The following PTPRJ variants were observed in gnomAD, a reference collection of about 807,000 sequenced individuals.
PTPRJ encodes the protein protein tyrosine phosphatase receptor type J.
A neutral mutation model predicts 141.3 loss-of-function variants in PTPRJ; 129 were observed. The ratio of observed to expected loss-of-function variants is 0.91; its 90% CI spans 0.79 to 1.06. PTPRJ has a LOEUF of 1.06. Ranked by LOEUF, PTPRJ falls within the 50% of genes least tolerant of loss-of-function variation. PTPRJ has a pLI of 0.00. For synonymous variants in PTPRJ, 610 were observed against 640.5 expected (o/e 0.95, Z 0.72); for missense variants, 1,601 against 1,679.7 (o/e 0.95, Z 0.82).
intron 1 of PTPRJ, among the ~76,000 whole-genome samples, chr11:48,053,609 C>A (rs1313649593): frequency 6.9e-6 from 1 of 143,916 alleles, no homozygotes; most frequent in African/African-American, 2.6e-5. Flanking sequence ...GACAGTCTTG[C>A]TGTGTTGCCC....
At chr11:48,126,396 G>A (rs1856830838) in intron 6 of PTPRJ, among the ~76,000 whole-genome samples, 1 of 152,054 alleles carries the variant, frequency 6.6e-6, no homozygotes, top group South Asian at 2.1e-4. Flanking sequence ...TAAGGGGCGA[G>A]TGTGTGTGTA....
rs1386997253 is a variant in PTPRJ, at chr11:48,167,219, CTCAA to C, written c.3875_3878del (p.Asn1292SerfsTer15). On this transcript the variant is annotated frameshift_variant, in exon 25 of 25. Transcript: ENST00000418331. LOFTEE classifies it high-confidence loss of function. ...TTTCTATCAGGACCAGTATGTTTTC[CTCAA>C]TCAGTGTGTTTTGGATATTGTCAGA... The C allele has an allele frequency of 6.2e-7, 1 of 1,611,976 alleles. No individual in the cohort carries two copies. The highest frequency in any genetic ancestry group is 8.5e-7 in the Non-Finnish European group (1 of 1,178,396).
intron 1 of PTPRJ, among the ~76,000 whole-genome samples, chr11:48,101,569 C>T (rs890746058): frequency 6.6e-6 from 1 of 152,186 alleles, no homozygotes; most frequent in African/African-American, 2.4e-5. Context: ...GTTTGTGAAC[C>T]TGGAACTTGG....
At chr11:48,117,813 A>T (rs1265152760) in intron 3 of PTPRJ, among the ~76,000 whole-genome samples, 1 of 152,108 alleles carries the variant, frequency 6.6e-6, no homozygotes, top group Non-Finnish European at 1.5e-5. Context: ...AACAAAGAAC[A>T]TTGACAAAGC....
intron 1 of PTPRJ, among the ~76,000 whole-genome samples, chr11:48,059,119 T>TC (rs1445673331): frequency 7.1e-6 from 1 of 141,462 alleles, no homozygotes; most frequent in Non-Finnish European, 1.5e-5. Context: ...CCTTTTTTTT[T>TC]TTTTTTTTTT....
At chr11:48,115,379 G>A (rs1856539054) in intron 3 of PTPRJ, among the ~76,000 whole-genome samples, 2 of 152,176 alleles carry the variant, frequency 1.3e-5, no homozygotes, top group African/African-American at 4.8e-5. Context: ...TTACAGGCCA[G>A]GAGAGAGTGG....
chr11:48,134,091 G>C (rs1857034740), intron 8 of PTPRJ, among the ~76,000 whole-genome samples: 1 of 152,126 alleles, frequency 6.6e-6, no homozygotes, highest in African/African-American at 2.4e-5. Context: ...AAATGGTTAA[G>C]ATGATAAATA....
At chr11:48,166,069 T>A (rs1484662341) in intron 24 of PTPRJ, among the ~76,000 whole-genome samples, 1 of 151,820 alleles carries the variant, frequency 6.6e-6, no homozygotes, top group East Asian at 1.9e-4. Context: ...TTCACCATGT[T>A]GGCCAGGATG....
chr11:48,082,694 G>A (rs1023599086), intron 1 of PTPRJ, among the ~76,000 whole-genome samples: 2 of 151,090 alleles, frequency 1.3e-5, no homozygotes, highest in Non-Finnish European at 2.9e-5. Context: ...GGCTTCAGGT[G>A]TGTGCCACTG....
At chr11:48,145,169 G>A in intron 14 of PTPRJ, 45 bp downstream of exon 14, 4 of 1,611,052 alleles carry the variant, frequency 2.5e-6, no homozygotes, top group Non-Finnish European at 3.4e-6. Flanking sequence ...GTGGCATTTT[G>A]CTCCACGTGT....
At position 48,061,918 on chromosome 11, in the gene PTPRJ, T is replaced by C. The variant is rs891221522; in HGVS notation, c.97-48140T>C. Among the ~76,000 whole-genome samples the C allele has an allele frequency of 2.0e-5, 3 of 149,930 alleles. No individual in the cohort carries two copies. The East Asian group carries it at 5.8e-4, about 29-fold the overall frequency. On this transcript the variant is annotated intron_variant, in intron 1 of 24. Coordinates refer to ENST00000418331, the MANE Select transcript of PTPRJ (RefSeq NM_002843.4). Reference sequence around the variant, plus strand: ...ATGGCACCAACTTATAGTTTTTTTTTTTTTTTTTTTTCTTTTGAGTCAGGA... The same window carrying C: ...ATGGCACCAACTTATAGTTTTTTTTCTTTTTTTTTTTCTTTTGAGTCAGGA...
intron 1 of PTPRJ, among the ~76,000 whole-genome samples, chr11:48,052,346 C>T (rs1036843389): frequency 4.6e-5 from 7 of 152,242 alleles, no homozygotes; most frequent in African/African-American, 1.2e-4. Context: ...CAGGCATTGC[C>T]TCTCCCTCGT....
At chr11:48,046,909 TA>T (rs1447306874) in intron 1 of PTPRJ, among the ~76,000 whole-genome samples, 2,747 of 88,662 alleles carry the variant, frequency 0.031, 37 homozygotes, top group African/African-American at 0.091. Context: ...TATATATATA[TA>T]TATTTTTTTT....
intron 4 of PTPRJ, among the ~76,000 whole-genome samples, chr11:48,122,867 C>A (rs1346529650): frequency 6.6e-6 from 1 of 152,190 alleles, no homozygotes; most frequent in African/African-American, 2.4e-5. Context: ...TTTGCTCTAT[C>A]TGCAGCACTA....
At chr11:48,098,776 C>G (rs1856080711) in intron 1 of PTPRJ, among the ~76,000 whole-genome samples, 1 of 16,046 alleles carries the variant, frequency 6.2e-5, no homozygotes, top group Non-Finnish European at 3.3e-4. Context: ...GTCTCGGCCT[C>G]CCAAAGTGCT....
chr11:48,041,612 A>G (rs1590430404), intron 1 of PTPRJ, among the ~76,000 whole-genome samples: 1 of 152,028 alleles, frequency 6.6e-6, no homozygotes, highest in Admixed American at 6.6e-5. Context: ...AAATATGACA[A>G]TCTTTTATTT....
At chr11:48,143,668 T>C (rs1178990342) in intron 12 of PTPRJ, among the ~76,000 whole-genome samples, 1 of 152,178 alleles carries the variant, frequency 6.6e-6, no homozygotes, top group African/African-American at 2.4e-5. Context: ...TGTTACATTC[T>C]TTTGTGGTAG....
At chr11:48,042,493 C>T (rs993404536) in intron 1 of PTPRJ, among the ~76,000 whole-genome samples, 13 of 152,190 alleles carry the variant, frequency 8.5e-5, no homozygotes, top group African/African-American at 3.1e-4. Flanking sequence ...TCCCTTCTGT[C>T]TTTTGAGTTT....
At chr11:47,983,347 T>TA (rs991118000) in intron 1 of PTPRJ, among the ~76,000 whole-genome samples, 13 of 152,260 alleles carry the variant, frequency 8.5e-5, no homozygotes, top group African/African-American at 3.1e-4. Context: ...ACTACCTTCC[T>TA]AAGAGCTGAC....
Sources: gnomAD v4.1 joint callset for allele counts (sites outside exome capture counted in the v4.1 genomes callset) on GRCh38, gnomAD v4.1.1 for gene constraint, MANE v1.5 for transcripts, NCBI Gene and HGNC (gene_info 2026-07-23, HGNC 2026-07-21) for gene names.